The following ANO1 variants were observed in gnomAD, a reference collection of about 807,000 sequenced individuals.
ANO1 encodes anoctamin-1.
A neutral mutation model predicts 124.0 loss-of-function variants in ANO1; 59 were observed. The observed-to-expected ratio is 0.48, with a 90% CI of 0.39 to 0.59. The LOEUF (loss-of-function observed/expected upper bound fraction) is 0.59. ANO1 is among the 20% of genes least tolerant of loss of function. The probability of loss-of-function intolerance (pLI) is 0.00; values close to 1 mark genes in which losing one functional copy is unlikely to be tolerated. For missense variants in ANO1, 1,059 were observed against 1,328.0 expected, an observed-to-expected ratio of 0.80 and a Z score of 3.15; for synonymous variants, 529 against 532.0, an observed-to-expected ratio of 0.99 and a Z score of 0.08.
intron 11 of ANO1, among the ~76,000 whole-genome samples, chr11:70,132,459 C>G (rs1273589155): frequency 6.6e-6 from 1 of 152,320 alleles, no homozygotes; most frequent in East Asian, 1.9e-4. Flanking sequence ...GGAAAGCTGA[C>G]CTGGGCCAGG....
intron 1 of ANO1, among the ~76,000 whole-genome samples, chr11:70,013,090 C>A (rs76239659): frequency 0.092 from 14,069 of 152,306 alleles, 1,002 homozygotes; most frequent in East Asian, 0.4. Context: ...TAACAAAAAA[C>A]CACATTTAAT....
At chr11:70,112,034 C>G (rs889692295) in intron 7 of ANO1, among the ~76,000 whole-genome samples, 3 of 152,220 alleles carry the variant, frequency 2.0e-5, no homozygotes, top group Admixed American at 6.5e-5. Flanking sequence ...ACCTCGTAGC[C>G]AGCGGGTCCA....
chr11:69,983,671 C>G (rs4347416), upstream of ANO1, among the ~76,000 whole-genome samples: 1 of 152,198 alleles, frequency 6.6e-6, no homozygotes, highest in African/African-American at 2.4e-5. Context: ...ATGCCACTTA[C>G]CAAAATAGCA....
chr11:69,969,547 G>A, the ANO1 span, among the ~76,000 whole-genome samples: 1 of 152,130 alleles, frequency 6.6e-6, no homozygotes, highest in African/African-American at 2.4e-5. Context: ...CTAGGAACCT[G>A]AGCATCCAGC....
chr11:70,019,647 T>C (rs1295013261), intron 1 of ANO1, among the ~76,000 whole-genome samples: 1 of 152,206 alleles, frequency 6.6e-6, no homozygotes, highest in African/African-American at 2.4e-5. Flanking sequence ...CCTCCGCAAT[T>C]GGCAAACACT....
intron 1 of ANO1, among the ~76,000 whole-genome samples, chr11:70,022,364 C>T (rs534205156): frequency 3.3e-5 from 5 of 152,094 alleles, no homozygotes; most frequent in Middle Eastern, 3.4e-3. Flanking sequence ...TTTGGGAGGC[C>T]GAGGCAAGTG....
chr11:70,070,948 C>T (rs550381683), intron 1 of ANO1, among the ~76,000 whole-genome samples: 1 of 152,294 alleles, frequency 6.6e-6, no homozygotes, highest in African/African-American at 2.4e-5. Flanking sequence ...CGCTGCCAGC[C>T]CCTGCCTCAG....
chr11:70,063,507 G>T (rs1857644582), intron 1 of ANO1, among the ~76,000 whole-genome samples: 1 of 152,086 alleles, frequency 6.6e-6, no homozygotes, highest in African/African-American at 2.4e-5. Context: ...CTGGGAAGCC[G>T]AGCATTCCCA....
intron 1 of ANO1, among the ~76,000 whole-genome samples, chr11:70,045,407 C>T (rs1256384661): frequency 2.6e-5 from 4 of 152,172 alleles, no homozygotes; most frequent in Non-Finnish European, 5.9e-5. Flanking sequence ...TGTTAAGAAG[C>T]TCTGCTTATA....
At chr11:70,126,314 C>A in intron 10 of ANO1, 119 bp downstream of exon 10, 1 of 1,306,012 alleles carries the variant, frequency 7.7e-7, no homozygotes, top group Non-Finnish European at 1.0e-6. Context: ...CACATGAAAC[C>A]TCACGCCAAG....
chr11:70,170,794 C>T (rs2048433461), intron 21 of ANO1, 93 bp from the exon 22 acceptor site: 5 of 1,489,316 alleles, frequency 3.4e-6, no homozygotes, highest in Admixed American at 2.1e-5. Flanking sequence ...GGGCGGCAGC[C>T]AGACCTGTGC....
At chr11:70,172,133 A>G (rs1277415608) in intron 22 of ANO1, among the ~76,000 whole-genome samples, 5 of 93,790 alleles carry the variant, frequency 5.3e-5, no homozygotes, top group Admixed American at 2.2e-4. Context: ...AAAAAAAAAA[A>G]AAAGAAAAGA....
intron 1 of ANO1, among the ~76,000 whole-genome samples, chr11:70,040,806 A>G (rs1857171368): frequency 6.6e-6 from 1 of 152,260 alleles, no homozygotes; most frequent in Non-Finnish European, 1.5e-5. Flanking sequence ...AAAGGAGACT[A>G]TGAAGCCATC....
rs1057273642 is a variant in ANO1, at chr11:70,104,162, C to T, written c.692+12C>T. On this transcript the variant is annotated intron_variant, in intron 4 of 25. Coordinates refer to ENST00000355303, the MANE Select transcript of ANO1 (RefSeq NM_018043.7). ...GAGAAGCAGCATCTGTAAGTGGGGA[C>T]CCCCAGCCTGCTCCCCAAAGGGTCC... 2 of 1,606,604 alleles carry T rather than the reference C, an allele frequency of 1.2e-6. No individual in the cohort carries two copies. Among genetic ancestry groups the T allele is most frequent in the African/African-American group, 1.3e-5 (1 of 74,688 alleles).
At chr11:70,074,663 A>G (rs557065143), upstream of ANO1, among the ~76,000 whole-genome samples, 2 of 152,318 alleles carry the variant, frequency 1.3e-5, no homozygotes, top group African/African-American at 2.4e-5. Context: ...GTGGTGCTCA[A>G]CTGGGGCTGG....
chr11:70,049,105 TCTC>T (rs1555006006), intron 1 of ANO1, among the ~76,000 whole-genome samples: 1 of 152,072 alleles, frequency 6.6e-6, no homozygotes, highest in East Asian at 1.9e-4. Context: ...GGCTGTGACA[TCTC>T]CTAGGTGGAA....
chr11:70,014,280 C>T (rs370434175), intron 1 of ANO1, among the ~76,000 whole-genome samples: 1 of 121,316 alleles, frequency 8.2e-6, no homozygotes, highest in Non-Finnish European at 1.8e-5. Flanking sequence ...CACCCCCCCA[C>T]CAAGGACAAC....
In ANO1 at chr11:70,180,165, G is replaced by A. The variant is rs1289473048; in HGVS notation, c.2403+109G>A. On this transcript the variant is annotated intron_variant, in intron 23 of 25. Coordinates refer to ENST00000355303, the MANE Select transcript of ANO1 (RefSeq NM_018043.7). ...CATGGGTCTTCTGCCTCTAGCCATG[G>A]TGCAGCCCCAGGCTGCCCGGATTCT... 1.3e-5 allele frequency: 14 copies of A among 1,052,060 alleles called. No individual in the cohort carries two copies. The Admixed American group carries it at 1.8e-4, about 13-fold the overall frequency. The allele number at this position is 1,052,060 out of a possible 1,614,324, so 65.2% of individuals were successfully genotyped here.
At position 70,008,616 on chromosome 11, in the gene ANO1, C is replaced by A. The variant is rs554038095; in HGVS notation, c.58+22450C>A. On this transcript the variant is annotated intron_variant, in intron 1 of 27. Transcript: ENST00000531349. ...ATTGGCCTATGCGTCTTTCTTTCTG[C>A]CAGTGCCAACTGTTTTACTCCTTTA... 3.3e-5 allele frequency among the ~76,000 whole-genome samples: 5 copies of A among 150,226 alleles called. No homozygotes were observed. In the South Asian group the frequency reaches 1.1e-3, roughly 32 times the overall value.
Sources: gnomAD v4.1 joint callset for allele counts (sites outside exome capture counted in the v4.1 genomes callset) on GRCh38, gnomAD v4.1.1 for gene constraint, MANE v1.5 for transcripts, NCBI Gene and HGNC (gene_info 2026-07-23, HGNC 2026-07-21) for gene names.